Variants in FRMD4A observed in about 807,000 individuals in gnomAD.
The protein encoded by FRMD4A is FERM domain containing 4A.
In FRMD4A, 29 loss-of-function variants were observed where a neutral mutation model predicts 129.1. The observed-to-expected ratio is 0.22, with a 90% CI of 0.17 to 0.31. The LOEUF is 0.31. FRMD4A is among the 10% of genes least tolerant of loss of function. FRMD4A has a pLI of 1.00. For missense variants in FRMD4A, 1,272 were observed against 1,375.8 expected (o/e 0.92, Z 1.19); for synonymous variants, 634 against 571.6 (o/e 1.11, Z -1.56).
chr10:13,649,735 AGCCTTT>A (rs1447009456), intron 24 of FRMD4A: 9 of 152,332 alleles, frequency 5.9e-5, no homozygotes, highest in African/African-American at 1.9e-4. Context: ...TGCTCAGCTA[AGCCTTT>A]GCCTTTCAGT....
intron 2 of FRMD4A, among the ~76,000 whole-genome samples, chr10:13,884,132 G>A (rs11258695): frequency 0.75 from 76,523 of 101,570 alleles, 26,865 homozygotes; most frequent in South Asian, 0.84. Context: ...TCACACACAC[G>A]CTCACACACA....
chr10:13,704,441 C>G (rs529412721), intron 13 of FRMD4A, among the ~76,000 whole-genome samples: 2 of 152,250 alleles, frequency 1.3e-5, no homozygotes, highest in East Asian at 3.9e-4. Context: ...CAGCCAGACC[C>G]TCCCTCATTT....
chr10:13,657,545 G>C (rs764062166), intron 21 of FRMD4A, 23 bp from the exon 22 acceptor site: 114 of 1,543,054 alleles, frequency 7.4e-5, no homozygotes, highest in Non-Finnish European at 9.7e-5. Flanking sequence ...GACCCGGGTT[G>C]GTCTGGGGGT....
At chr10:13,939,564 A>G (rs2095274973) in intron 2 of FRMD4A, among the ~76,000 whole-genome samples, 1 of 152,214 alleles carries the variant, frequency 6.6e-6, no homozygotes, top group Admixed American at 6.5e-5. Context: ...GAGAGTTTGA[A>G]TGTTATTTTT....
chr10:13,989,651 C>A (rs2095596435), intron 2 of FRMD4A, among the ~76,000 whole-genome samples: 1 of 152,098 alleles, frequency 6.6e-6, no homozygotes, highest in Non-Finnish European at 1.5e-5. Flanking sequence ...AATAAGAATA[C>A]ATGGACAGGT....
intron 2 of FRMD4A, among the ~76,000 whole-genome samples, chr10:14,150,426 T>C (rs1309976203): frequency 6.6e-6 from 1 of 152,146 alleles, no homozygotes; most frequent in East Asian, 1.9e-4. Flanking sequence ...ATAGAGATAA[T>C]GTTATTATTT....
chr10:14,173,353 GAAC>G (rs150712679), intron 2 of FRMD4A, among the ~76,000 whole-genome samples: 5,326 of 152,242 alleles, frequency 0.035, 188 homozygotes, highest in East Asian at 0.14. Context: ...CAGCCAAGAA[GAAC>G]AAGCGCTTAG....
At chr10:13,862,944 T>A (rs1233098404) in intron 2 of FRMD4A, among the ~76,000 whole-genome samples, 2 of 150,832 alleles carry the variant, frequency 1.3e-5, no homozygotes, top group African/African-American at 2.4e-5. Context: ...TTTTGTTTTT[T>A]TTTTTGTTTC....
intron 9 of FRMD4A, among the ~76,000 whole-genome samples, chr10:13,741,346 G>A (rs1400079346): frequency 6.6e-6 from 1 of 152,180 alleles, no homozygotes; most frequent in Non-Finnish European, 1.5e-5. Context: ...AGCTACTTGG[G>A]AGGCTGAGGT....
rs1843166229 is a variant in FRMD4A at position 14,219,059 on chromosome 10, C to T, written c.45+110999G>A. ...AGGGGATAAGAGGAGGGGCTAGGAACATAGGAAGTAAGAGGAAGGCAAGGG... is the reference window on the plus strand; with the variant it reads ...AGGGGATAAGAGGAGGGGCTAGGAATATAGGAAGTAAGAGGAAGGCAAGGG... On this transcript the variant is annotated intron_variant, in intron 2 of 24. Transcript: ENST00000357447. 4.2e-5 allele frequency among the ~76,000 whole-genome samples: 6 copies of T among 143,136 alleles called. No homozygotes were observed. The South Asian group carries it at 1.3e-3, about 32-fold the overall frequency. 93.9% of individuals were successfully genotyped at this position (143,136 alleles called of 152,430 possible).
intron 2 of FRMD4A, among the ~76,000 whole-genome samples, chr10:14,174,165 T>G (rs879283581): frequency 3.3e-5 from 5 of 151,396 alleles, no homozygotes; most frequent in Non-Finnish European, 7.4e-5. Flanking sequence ...CTCTCCCGGG[T>G]GGCGCCTCTG....
chr10:13,824,934 T>C (rs2093679676), intron 3 of FRMD4A, among the ~76,000 whole-genome samples: 1 of 150,812 alleles, frequency 6.6e-6, no homozygotes, highest in African/African-American at 2.4e-5. Context: ...CAAGAGATGA[T>C]TTCAAGTATA....
intron 2 of FRMD4A, among the ~76,000 whole-genome samples, chr10:14,009,195 T>A (rs553066917): frequency 1.3e-5 from 2 of 152,220 alleles, no homozygotes; most frequent in Admixed American, 6.5e-5. Flanking sequence ...TTTTCTGTAA[T>A]ATTTTCCCCT....
intron 9 of FRMD4A, among the ~76,000 whole-genome samples, chr10:13,747,299 G>A (rs1266825731): frequency 2.0e-5 from 3 of 151,994 alleles, no homozygotes; most frequent in South Asian, 2.1e-4. Context: ...TTGGGAGGCC[G>A]AGGCAAGCGG....
chr10:13,922,251 G>A (rs1231397115), intron 2 of FRMD4A, among the ~76,000 whole-genome samples: 1 of 151,784 alleles, frequency 6.6e-6, no homozygotes, highest in African/African-American at 2.4e-5. Flanking sequence ...CATGATGACA[G>A]TGACAATTCA....
chr10:14,026,665 C>T (rs1019853852), intron 2 of FRMD4A, among the ~76,000 whole-genome samples: 3 of 152,212 alleles, frequency 2.0e-5, no homozygotes, highest in African/African-American at 7.2e-5. Context: ...TTTGCCATGT[C>T]TGAAATTGAT....
chr10:13,902,232 C>T (rs546776294), intron 2 of FRMD4A, among the ~76,000 whole-genome samples: 24 of 152,138 alleles, frequency 1.6e-4, no homozygotes, highest in Admixed American at 4.6e-4. Context: ...CTATGTGGCC[C>T]AGGCTGGTCT....
intron 2 of FRMD4A, among the ~76,000 whole-genome samples, chr10:14,016,026 T>G (rs2095698061): frequency 6.6e-6 from 1 of 152,190 alleles, no homozygotes; most frequent in African/African-American, 2.4e-5. Context: ...AAGATAACTT[T>G]TGCTTATTGG....
chr10:14,173,022 C>G (rs1841554331), intron 2 of FRMD4A, among the ~76,000 whole-genome samples: 1 of 151,314 alleles, frequency 6.6e-6, no homozygotes, highest in African/African-American at 2.4e-5. Context: ...GCTCATTAAC[C>G]AGCAGGAAAA....
Sources: gnomAD v4.1 joint callset for allele counts (sites outside exome capture counted in the v4.1 genomes callset) on GRCh38, gnomAD v4.1.1 for gene constraint, MANE v1.5 for transcripts, NCBI Gene and HGNC (gene_info 2026-07-23, HGNC 2026-07-21) for gene names.